Variants in DIP2C observed in about 807,000 individuals in gnomAD.
DIP2C encodes the protein DIP2 acetate--CoA ligase C (putative), also known as disco-interacting protein 2 homolog C.
A neutral mutation model predicts 192.4 loss-of-function variants in DIP2C; 33 were observed. The observed-to-expected ratio is 0.17, with a 90% CI of 0.13 to 0.23. The LOEUF (loss-of-function observed/expected upper bound fraction) is 0.23. DIP2C is among the 10% of genes least tolerant of loss of function. The probability of loss-of-function intolerance (pLI) is 1.00; values close to 1 mark genes in which losing one functional copy is unlikely to be tolerated. For missense variants in DIP2C, 1,537 were observed against 2,110.1 expected (o/e 0.73, Z 5.32); for synonymous variants, 979 against 864.1 (o/e 1.13, Z -2.33).
At chr10:558,722 A>G (rs1849039054) in intron 1 of DIP2C, among the ~76,000 whole-genome samples, 1 of 152,220 alleles carries the variant, frequency 6.6e-6, no homozygotes, top group African/African-American at 2.4e-5. Flanking sequence ...CAGGCCGCCT[A>G]TGTCAGGGAA....
chr10:656,678 C>T (rs532221426), intron 1 of DIP2C, among the ~76,000 whole-genome samples: 3 of 152,232 alleles, frequency 2.0e-5, no homozygotes, highest in South Asian at 2.1e-4. Context: ...TAAGATCCTA[C>T]GAAACCAGCA....
intron 1 of DIP2C, among the ~76,000 whole-genome samples, chr10:643,660 G>A (rs1238636076): frequency 1.3e-5 from 2 of 152,220 alleles, no homozygotes; most frequent in South Asian, 2.1e-4. Flanking sequence ...AATCACAGAG[G>A]CTGAGATTCC....
intron 31 of DIP2C, among the ~76,000 whole-genome samples, chr10:323,798 A>T (rs1957136586): frequency 6.6e-6 from 1 of 152,218 alleles, no homozygotes; most frequent in African/African-American, 2.4e-5. Context: ...ATTAGGACTC[A>T]TGAGCAGTGT....
chr10:288,903 C>T lies in DIP2C; in HGVS notation c.3987-482G>A, dbSNP rs117481644. Among the ~76,000 whole-genome samples the T allele has an allele frequency of 9.3e-3, 1,419 of 152,266 alleles. 14 individuals are homozygous for T. Among genetic ancestry groups the T allele is most frequent in the Admixed American group, 0.017 (265 of 15,298 alleles). On this transcript the variant is annotated intron_variant, in intron 32 of 36. Coordinates refer to ENST00000280886, the MANE Select transcript of DIP2C (RefSeq NM_014974.3). ...AGCAGAGAGAATTGCTGGGCCCTGA[C>T]GGCAAAGGTACTCAGAAAAGAAACT...
At position 293,408 on chromosome 10, in the gene DIP2C, G is replaced by GA. The variant is rs528997761; in HGVS notation, c.3987-4988dup. Among the ~76,000 whole-genome samples, 257 of 152,268 alleles carry GA rather than the reference G, an allele frequency of 1.7e-3. 1 individual carries two copies. Among genetic ancestry groups the GA allele is most frequent in the African/African-American group, 5.8e-3 (242 of 41,544 alleles). Reference sequence around the variant, plus strand: ...GGATGGCATTTATGAATGTGCCGCTGAAAAAACAACCAAAACTTTTACTTA... The same window carrying GA: ...GGATGGCATTTATGAATGTGCCGCTGAAAAAAACAACCAAAACTTTTACTTA... On this transcript the variant is annotated intron_variant, in intron 32 of 36. Coordinates refer to ENST00000280886, the MANE Select transcript of DIP2C (RefSeq NM_014974.3).
chr10:284,533 G>T (rs1478225418), intron 34 of DIP2C, among the ~76,000 whole-genome samples: 1 of 152,208 alleles, frequency 6.6e-6, no homozygotes, highest in Non-Finnish European at 1.5e-5. Context: ...CACTCATGTG[G>T]AATCTAAAAA....
Position 356,463 on chromosome 10 carries a change from G to C in DIP2C, c.2948C>G (p.Thr983Ser). ...CAGCGTGTAGAGGATGTGGTCCGGG[G>C]TGGTCTGTGCTCTCCACTGCAAGAC... ...SEVLQWRAQTTPDHILYTLLN... is the reference protein window; with the variant it reads ...SEVLQWRAQTSPDHILYTLLN... Residue 983 changes from threonine to serine, a missense_variant, in exon 24 of 37, where the codon ACC (threonine) becomes AGC (serine). Coordinates refer to ENST00000280886, the MANE Select transcript of DIP2C (RefSeq NM_014974.3). 6.2e-7 allele frequency: 1 copy of C among 1,612,274 alleles called. No individual in the cohort carries two copies. The highest frequency in any genetic ancestry group is 8.5e-7 in the Non-Finnish European group (1 of 1,180,000).
At chr10:557,804 G>C (rs1471424120) in intron 1 of DIP2C, among the ~76,000 whole-genome samples, 2 of 83,216 alleles carry the variant, frequency 2.4e-5, no homozygotes, top group Non-Finnish European at 4.9e-5. Context: ...GGGGCAGGCA[G>C]GCAGGCAGGG....
intron 9 of DIP2C, among the ~76,000 whole-genome samples, chr10:404,831 C>G (rs556781777): frequency 6.6e-6 from 1 of 152,296 alleles, no homozygotes; most frequent in South Asian, 2.1e-4. Flanking sequence ...TGCGGATAAG[C>G]CACAACCAAT....
chr10:517,968 G>C (rs1396737642), intron 1 of DIP2C, among the ~76,000 whole-genome samples: 2 of 152,172 alleles, frequency 1.3e-5, no homozygotes, highest in Admixed American at 6.5e-5. Flanking sequence ...ACCTCCACAG[G>C]AAACTCAACG....
At position 345,126 on chromosome 10, in the gene DIP2C, G is replaced by A. The variant is rs375759684; in HGVS notation, c.3232-16C>T. The A allele has an allele frequency of 1.1e-5, 18 of 1,604,642 alleles. No homozygotes were observed. Among genetic ancestry groups the A allele is most frequent in the African/African-American group, 4.0e-5 (3 of 74,834 alleles). On this transcript the variant is annotated splice_polypyrimidine_tract_variant and intron_variant, in intron 26 of 36. Coordinates refer to ENST00000280886, the MANE Select transcript of DIP2C (RefSeq NM_014974.3). ...AGCGACTCACCTGGCATCAGAGAGC[G>A]AGAATGGAGCCATGAACGTGGACCC...
chr10:411,443 T>G (rs1965180029), intron 8 of DIP2C, among the ~76,000 whole-genome samples: 3 of 152,240 alleles, frequency 2.0e-5, no homozygotes, highest in Admixed American at 2.0e-4. Context: ...GTGGCTTTCA[T>G]TAGCCACCTA....
In DIP2C at chr10:417,787, G is replaced by A. The variant is rs1405135332; in HGVS notation, c.739+1278C>T. On this transcript the variant is annotated intron_variant, in intron 6 of 36. Transcript: ENST00000280886. ...GTCCACCTGCACCTGTCAGGGCTCG[G>A]ATAGGCCTCCCTGTCCACCTGTTCC... Among the ~76,000 whole-genome samples the A allele has an allele frequency of 3.6e-4, 38 of 106,562 alleles. 7 individuals are homozygous for A. The highest frequency in any genetic ancestry group is 1.2e-3 in the African/African-American group (26 of 21,312). 69.9% of individuals were successfully genotyped at this position (106,562 alleles called of 152,430 possible). A position where few individuals can be genotyped will look rare whatever the true frequency, so the allele number is the denominator to read the frequency against.
intron 2 of DIP2C, among the ~76,000 whole-genome samples, chr10:482,319 GAC>G (rs936261959): frequency 1.1e-4 from 16 of 152,322 alleles, no homozygotes; most frequent in African/African-American, 3.8e-4. Flanking sequence ...CTCCGGTGCA[GAC>G]AGTGTAGAGC....
rs367655607 is a variant in DIP2C, at chr10:392,751, TAC to T, written c.1261-1890_1261-1889del. On this transcript the variant is annotated intron_variant, in intron 10 of 36. Coordinates refer to ENST00000280886, the MANE Select transcript of DIP2C (RefSeq NM_014974.3). ...AGGTACACACGCGCACACACTCACA[TAC>T]ACACACACACACTTAACACTCTCAC... Among the ~76,000 whole-genome samples, 491 of 150,238 alleles carry T rather than the reference TAC, an allele frequency of 3.3e-3. 2 individuals are homozygous for T. Among genetic ancestry groups the T allele is most frequent in the African/African-American group, 7.2e-3 (293 of 40,774 alleles).
At chr10:287,600 T>C (rs1955214189) in intron 33 of DIP2C, among the ~76,000 whole-genome samples, 1 of 138,346 alleles carries the variant, frequency 7.2e-6, no homozygotes, top group Non-Finnish European at 1.5e-5. Flanking sequence ...AACTTTATAA[T>C]AGAAGCAACA....
intron 1 of DIP2C, among the ~76,000 whole-genome samples, chr10:685,243 A>C (rs899456789): frequency 6.4e-4 from 92 of 143,754 alleles, no homozygotes; most frequent in Non-Finnish European, 1.1e-3. Context: ...CCAACACAGG[A>C]AGACCTGGCA....
At chr10:531,643 A>G (rs185784349) in intron 1 of DIP2C, among the ~76,000 whole-genome samples, 141 of 152,182 alleles carry the variant, frequency 9.3e-4, no homozygotes, top group East Asian at 1.4e-3. Flanking sequence ...GCAAACCCAC[A>G]CCATAGGGCC....
chr10:563,874 G>C (rs1324796819), intron 1 of DIP2C, among the ~76,000 whole-genome samples: 1 of 152,236 alleles, frequency 6.6e-6, no homozygotes, highest in Non-Finnish European at 1.5e-5. Flanking sequence ...AAATGAGTGT[G>C]AGTCATTTTC....
Sources: allele counts gnomAD v4.1 joint callset (sites outside exome capture counted in the v4.1 genomes callset), GRCh38; gene constraint gnomAD v4.1.1; transcripts MANE v1.5; gene names NCBI Gene and HGNC (gene_info 2026-07-23, HGNC 2026-07-21).